L3MBTL2: variants seen among roughly 807,000 people sequenced by gnomAD.
The protein encoded by L3MBTL2 is L3MBTL histone methyl-lysine binding protein 2.
In L3MBTL2, 49 loss-of-function variants were observed where a neutral mutation model predicts 86.4. The ratio of observed to expected loss-of-function variants is 0.57; its 90% CI spans 0.45 to 0.72. L3MBTL2 has a LOEUF of 0.72. Ranked by LOEUF, L3MBTL2 falls within the 30% of genes least tolerant of loss-of-function variation. The pLI is 0.00. For missense variants in L3MBTL2, 755 were observed against 923.7 expected (o/e 0.82, Z 2.37); for synonymous variants, 336 against 350.6 (o/e 0.96, Z 0.47).
intron 1 of L3MBTL2, chr22:41,208,189 T>C (rs1479132409): frequency 6.8e-6 from 2 of 294,980 alleles, no homozygotes; most frequent in East Asian, 2.7e-4. Context: ...TGGATTGCAG[T>C]GGCATGGTTA....
At chr22:41,210,308 T>C (rs7290545) in intron 2 of L3MBTL2, among the ~76,000 whole-genome samples, 63,424 of 151,374 alleles carry the variant, frequency 0.42, 14,001 homozygotes, top group African/African-American at 0.56. Context: ...CACCACCACA[T>C]CCAGCTAACT....
rs769361080 is a variant in L3MBTL2, at chr22:41,224,768, C to G, written c.1218C>G (p.Ile406Met). The change falls in exon 10 of 17, where the codon ATC becomes ATG. Residue 406 changes from isoleucine (I) to methionine (M), a missense_variant. Coordinates refer to ENST00000216237, the MANE Select transcript of L3MBTL2 (RefSeq NM_031488.5). This position sits in a 1 kb window ranked among gnomAD's most constrained non-coding sequence, Gnocchi z 4.9. Reference sequence around the variant, plus strand: ...CCCATCACCCCACCTTCCGGAAGATCTACTGTGATGCCGTTCCTTACCTCT... The same window carrying G: ...CCCATCACCCCACCTTCCGGAAGATGTACTGTGATGCCGTTCCTTACCTCT... ...DMAHHPTFRK[I>M]YCDAVPYLFK... 3.4e-5 allele frequency: 55 copies of G among 1,613,894 alleles called. No individual in the cohort carries two copies. The highest frequency in any genetic ancestry group is 4.6e-5 in the Non-Finnish European group (54 of 1,179,890).
chr22:41,227,033 G>T lies in L3MBTL2; in HGVS notation c.1588-56G>T. 6.7e-7 allele frequency: 1 copy of T among 1,488,962 alleles called. No individual in the cohort carries two copies. The allele number at this position is 1,488,962 out of a possible 1,614,324, so 92.2% of individuals were successfully genotyped here. A position where few individuals can be genotyped will look rare whatever the true frequency, so the allele number is the denominator to read the frequency against. On this transcript the variant is annotated intron_variant, in intron 13 of 16. Transcript: ENST00000216237. The surrounding 1 kb of genome is among the most constrained non-coding windows in gnomAD (Gnocchi z 6.0). Reference sequence around the variant, plus strand: ...TTCAAGTGCCTCCGGGCCGGGGCAAGCCTGCTGGGGTAGGGAGCTGACTGG... The same window carrying T: ...TTCAAGTGCCTCCGGGCCGGGGCAATCCTGCTGGGGTAGGGAGCTGACTGG...
At chr22:41,219,649 T>G in intron 6 of L3MBTL2, 113 bp downstream of exon 6, 1 of 687,748 alleles carries the variant, frequency 1.5e-6, no homozygotes, top group Admixed American at 2.2e-5. Flanking sequence ...TCCCACCCAC[T>G]GGAATTTTTG....
intron 8 of L3MBTL2, among the ~76,000 whole-genome samples, chr22:41,221,675 C>T (rs112037864): frequency 0.014 from 2,005 of 144,928 alleles, 24 homozygotes; most frequent in Non-Finnish European, 0.021. Context: ...GGCGCGATCT[C>T]GGCTCCCTGC....
chr22:41,216,603 G>A lies in L3MBTL2; in HGVS notation c.520+341G>A, dbSNP rs189440627. On this transcript the variant is annotated intron_variant, in intron 4 of 16. Transcript: ENST00000216237. ...GGTTTGAAGGCAGGTTTGGAGAGGG[G>A]TGGTGGGATAAGGAAAGGAGCCTCT... Among the ~76,000 whole-genome samples, 482 of 152,326 alleles carry A rather than the reference G, an allele frequency of 3.2e-3. 4 individuals carry two copies. The highest frequency in any genetic ancestry group is 0.011 in the African/African-American group (453 of 41,560).
At chr22:41,229,421 G>T (rs1453149331) in intron 15 of L3MBTL2, 119 bp from the exon 16 acceptor site, 3 of 1,116,530 alleles carry the variant, frequency 2.7e-6, no homozygotes, top group Non-Finnish European at 3.8e-6. Flanking sequence ...CAGGCTTTCT[G>T]TCCCCAAACT....
In L3MBTL2 at chr22:41,225,747, G is replaced by T. The variant is rs188539771; in HGVS notation, c.1357-47G>T. ...GGGTGCGGTACCAACCCAGGATGGG[G>T]TGCAGTTCATGATATGATCTGTCTG... is the stretch of plus-strand genomic sequence containing the variant. On this transcript the variant is annotated intron_variant, in intron 11 of 16. Coordinates refer to ENST00000216237, the MANE Select transcript of L3MBTL2 (RefSeq NM_031488.5). This position sits in a 1 kb window ranked among gnomAD's most constrained non-coding sequence, Gnocchi z 4.1. 2.5e-6 allele frequency: 4 copies of T among 1,574,854 alleles called. No individual in the cohort carries two copies. The highest frequency in any genetic ancestry group is 3.5e-6 in the Non-Finnish European group (4 of 1,152,312).
At chr22:41,226,571 G>A in intron 12 of L3MBTL2, 91 bp from the exon 13 acceptor site, 1 of 913,106 alleles carries the variant, frequency 1.1e-6, no homozygotes, top group Non-Finnish European at 1.8e-6. Flanking sequence ...TCCTGACCAA[G>A]CTGCAGAGCT....
chr22:41,213,577 C>T (rs986461801), intron 2 of L3MBTL2: 2 of 188,594 alleles, frequency 1.1e-5, no homozygotes, highest in Admixed American at 1.2e-4. Flanking sequence ...CAGACAGGAG[C>T]TACCATGCCT....
At chr22:41,229,871 C>T in intron 16 of L3MBTL2, 1 of 774,698 alleles carries the variant, frequency 1.3e-6, no homozygotes, top group Non-Finnish European at 2.2e-6. Flanking sequence ...GGCCCCGGCC[C>T]CTCCTCCTCC....
chr22:41,214,847 C>T (rs1370585490), intron 3 of L3MBTL2: 1 of 152,258 alleles, frequency 6.6e-6, no homozygotes, highest in East Asian at 1.9e-4. Flanking sequence ...CCCGTCTCTA[C>T]TAAAAATACA....
At chr22:41,207,925 G>A (rs1251338748) in intron 1 of L3MBTL2, among the ~76,000 whole-genome samples, 1 of 151,400 alleles carries the variant, frequency 6.6e-6, no homozygotes, top group African/African-American at 2.4e-5. Context: ...TCCAACTCCT[G>A]GGTTCAAGTG....
At chr22:41,218,047 G>A (rs1478502734) in intron 5 of L3MBTL2, 3 of 152,220 alleles carry the variant, frequency 2.0e-5, no homozygotes, top group African/African-American at 7.2e-5. Flanking sequence ...TTTCCAGGGA[G>A]TTGCATCATC....
At chr22:41,208,516 G>A (rs978918400) in intron 1 of L3MBTL2, 8 of 266,046 alleles carry the variant, frequency 3.0e-5, no homozygotes, top group Admixed American at 1.5e-4. Context: ...TTATTTTATA[G>A]ATGAGAAAGT....
chr22:41,214,589 T>C (rs2031181808), intron 3 of L3MBTL2: 1 of 152,210 alleles, frequency 6.6e-6, no homozygotes, highest in Admixed American at 6.5e-5. Context: ...AGGAGGAGAA[T>C]GGCGGAATTG....
chr22:41,207,048 C>G (rs562925638), intron 1 of L3MBTL2, among the ~76,000 whole-genome samples: 1 of 152,064 alleles, frequency 6.6e-6, no homozygotes, highest in Non-Finnish European at 1.5e-5. Context: ...GTAATGATGA[C>G]AGCAGCAAGA....
Position 41,224,057 on chromosome 22 carries a change from T to G in L3MBTL2, c.980T>G (p.Met327Arg). 6.2e-7 allele frequency: 1 copy of G among 1,614,154 alleles called. No homozygotes were observed. Among genetic ancestry groups the G allele is most frequent in the Non-Finnish European group, 8.5e-7 (1 of 1,180,010 alleles). Residue 327 changes from methionine to arginine, a missense_variant, in exon 9 of 17, where the codon ATG becomes AGG. This residue lies in a region of L3MBTL2 where 634 missense variants were observed against 748.9 expected (regional missense o/e 0.85). Coordinates refer to ENST00000216237, the MANE Select transcript of L3MBTL2 (RefSeq NM_031488.5). This position sits in a 1 kb window ranked among gnomAD's most constrained non-coding sequence, Gnocchi z 4.9. ...ATGAAGTACCCCTTTAGGCAGGGCA[T>G]GCGGCTGGAAGTGGTGGACAAGTCC... ...ESMKYPFRQGMRLEVVDKSQV... is the reference protein window; with the variant it reads ...ESMKYPFRQGRRLEVVDKSQV...
intron 2 of L3MBTL2, among the ~76,000 whole-genome samples, chr22:41,212,363 C>A (rs568105517): frequency 2.7e-5 from 4 of 150,336 alleles, no homozygotes; most frequent in African/African-American, 9.8e-5. Context: ...AGTATCCCGT[C>A]ACAGACCAAT....
Sources: gnomAD v4.1 joint callset for allele counts (sites outside exome capture counted in the v4.1 genomes callset) on GRCh38, gnomAD v4.1.1 for gene constraint, gnomAD v4.1.1 regional missense constraint, Gnocchi (gnomAD v3.1) non-coding constraint, MANE v1.5 for transcripts, NCBI Gene and HGNC (gene_info 2026-07-23, HGNC 2026-07-21) for gene names.